CCDC93: variants seen among roughly 807,000 people sequenced by gnomAD.
CCDC93 encodes CCC complex scaffolding subunit CCDC93.
A neutral mutation model predicts 108.2 loss-of-function variants in CCDC93; 61 were observed. That is an observed-to-expected ratio of 0.56 (90% CI 0.46 to 0.70). The LOEUF is 0.70. CCDC93 is among the 30% of genes least tolerant of loss of function. CCDC93 has a pLI of 0.00. For synonymous variants in CCDC93, 276 were observed against 260.4 expected (o/e 1.06, Z -0.58); for missense variants, 685 against 764.2 (o/e 0.90, Z 1.22).
At chr2:117,972,557 G>A (rs936353240) in intron 11 of CCDC93, among the ~76,000 whole-genome samples, 3 of 151,856 alleles carry the variant, frequency 2.0e-5, no homozygotes, top group Non-Finnish European at 4.4e-5. Context: ...AATCATCAGA[G>A]CTCCTACGTG....
intron 7 of CCDC93, among the ~76,000 whole-genome samples, chr2:117,979,900 A>G (rs986481067): frequency 2.6e-5 from 4 of 152,218 alleles, no homozygotes; most frequent in Non-Finnish European, 4.4e-5. Flanking sequence ...CACCAATCAG[A>G]TGCATTTGCT....
intron 4 of CCDC93, chr2:117,999,841 CTTT>C (rs1432074202): frequency 6.6e-6 from 1 of 151,948 alleles, no homozygotes; most frequent in Non-Finnish European, 1.5e-5. Flanking sequence ...ATTTATATTA[CTTT>C]TTATTGTTGT....
At chr2:117,988,855 C>T (rs6542418) in intron 6 of CCDC93, among the ~76,000 whole-genome samples, 1 of 152,038 alleles carries the variant, frequency 6.6e-6, no homozygotes. Flanking sequence ...CTTCCATTTT[C>T]TTTTACATGA....
chr2:117,949,430 C>T, intron 13 of CCDC93, 35 bp from the exon 14 acceptor site: 5 of 1,493,114 alleles, frequency 3.3e-6, no homozygotes, highest in Non-Finnish European at 4.7e-6. Flanking sequence ...TTGCTGGAGC[C>T]TTGGTAGCAG....
At chr2:117,924,731 T>C (rs1678015229) in intron 23 of CCDC93, among the ~76,000 whole-genome samples, 2 of 152,122 alleles carry the variant, frequency 1.3e-5, no homozygotes, top group South Asian at 4.1e-4. Context: ...GAGAACTTCC[T>C]CAATCTAGCA....
At chr2:117,929,187 C>T (rs944614943) in intron 23 of CCDC93, among the ~76,000 whole-genome samples, 1 of 152,134 alleles carries the variant, frequency 6.6e-6, no homozygotes, top group African/African-American at 2.4e-5. Context: ...GTGCAGCACA[C>T]CAACATGGCA....
rs17569034 is a variant in CCDC93 at position 117,917,761 on chromosome 2, A to G, written c.*2582T>C. ...GTGATCACGCAATCTTGTCCTGCTCACAACAGCTCTGATCGCGGCTTAAAG... is the reference window on the plus strand; with the variant it reads ...GTGATCACGCAATCTTGTCCTGCTCGCAACAGCTCTGATCGCGGCTTAAAG... On this transcript the variant is annotated 3_prime_UTR_variant, in exon 24 of 24. Transcript: ENST00000376300. 0.053 allele frequency: 8,074 copies of G among 152,308 alleles called. 287 individuals are homozygous for G. Among genetic ancestry groups the G allele is most frequent in the Non-Finnish European group, 0.083 (5,625 of 68,032 alleles). 9.4% of individuals were successfully genotyped at this position (152,308 alleles called of 1,614,324 possible). A position where few individuals can be genotyped will look rare whatever the true frequency, so the allele number is the denominator to read the frequency against.
chr2:118,001,012 C>G, intron 3 of CCDC93, 80 bp from the exon 4 acceptor site: 2 of 841,754 alleles, frequency 2.4e-6, no homozygotes, highest in South Asian at 2.8e-5. Flanking sequence ...GGCAGCATCA[C>G]AGACGGATCT....
intron 8 of CCDC93, among the ~76,000 whole-genome samples, chr2:117,977,460 T>C (rs543881135): frequency 1.3e-5 from 2 of 152,314 alleles, no homozygotes; most frequent in East Asian, 1.9e-4. Flanking sequence ...TTTAGCACCA[T>C]AACATTTATG....
chr2:117,946,900 A>C lies in CCDC93; in HGVS notation c.1225-18T>G. 6.3e-7 allele frequency: 1 copy of C among 1,582,256 alleles called. No homozygotes were observed. The highest frequency in any genetic ancestry group is 8.7e-7 in the Non-Finnish European group (1 of 1,151,040). ...ATCTCCTCCTTTAAAAGTGACATGA[A>C]CTTTTACAAAATTCAGACAAGGAGT... is the stretch of plus-strand genomic sequence containing the variant. On this transcript the variant is annotated intron_variant, in intron 15 of 23. Coordinates refer to ENST00000376300, the MANE Select transcript of CCDC93 (RefSeq NM_019044.5).
intron 21 of CCDC93, among the ~76,000 whole-genome samples, chr2:117,936,225 G>A (rs1455038695): frequency 6.6e-6 from 1 of 152,102 alleles, no homozygotes; most frequent in Non-Finnish European, 1.5e-5. Flanking sequence ...CTGCTGGATG[G>A]TGGGTGGGCA....
chr2:117,926,887 C>A (rs1277873098), intron 23 of CCDC93, among the ~76,000 whole-genome samples: 1 of 151,990 alleles, frequency 6.6e-6, no homozygotes, highest in African/African-American at 2.4e-5. Flanking sequence ...ACTGGCAAAC[C>A]GAATCCAGCA....
At chr2:117,926,992 C>A (rs891252398) in intron 23 of CCDC93, among the ~76,000 whole-genome samples, 5 of 152,036 alleles carry the variant, frequency 3.3e-5, no homozygotes, top group Non-Finnish European at 7.4e-5. Flanking sequence ...CATAATCCAG[C>A]ATATAAACAG....
chr2:117,955,501 A>G (rs1038800045), intron 12 of CCDC93, among the ~76,000 whole-genome samples: 19 of 152,244 alleles, frequency 1.2e-4, no homozygotes, highest in African/African-American at 4.6e-4. Context: ...CAAGTTAAAT[A>G]AATTGTGTTA....
At chr2:117,989,441 G>GA (rs1185349659) in intron 6 of CCDC93, among the ~76,000 whole-genome samples, 2 of 152,170 alleles carry the variant, frequency 1.3e-5, no homozygotes, top group Non-Finnish European at 2.9e-5. Flanking sequence ...ATCACCCAAA[G>GA]AAAGCTTATA....
At chr2:118,013,751 C>T (rs1182374361) in intron 1 of CCDC93, among the ~76,000 whole-genome samples, 1 of 152,202 alleles carries the variant, frequency 6.6e-6, no homozygotes, top group African/African-American at 2.4e-5. Flanking sequence ...AGTTTGTCCT[C>T]ACCCGCCCGC....
intron 23 of CCDC93, among the ~76,000 whole-genome samples, chr2:117,929,442 A>C (rs1377786357): frequency 6.6e-6 from 1 of 152,172 alleles, no homozygotes; most frequent in Non-Finnish European, 1.5e-5. Context: ...GACCCAAGCC[A>C]CTTAACACCT....
chr2:117,952,697 T>C (rs540367894), intron 12 of CCDC93, among the ~76,000 whole-genome samples: 2 of 152,326 alleles, frequency 1.3e-5, no homozygotes, highest in Admixed American at 1.3e-4. Flanking sequence ...ACTTTTCTTA[T>C]TTTACAGATG....
chr2:117,952,906 G>A (rs3755498), intron 12 of CCDC93, among the ~76,000 whole-genome samples: 83,518 of 151,988 alleles, frequency 0.55, 24,134 homozygotes, highest in East Asian at 0.87. Flanking sequence ...GTTGGCAAAT[G>A]ATGACACATA....
Sources: gnomAD v4.1 joint callset for allele counts (sites outside exome capture counted in the v4.1 genomes callset) on GRCh38, gnomAD v4.1.1 for gene constraint, MANE v1.5 for transcripts, NCBI Gene and HGNC (gene_info 2026-07-23, HGNC 2026-07-21) for gene names.